Variants in GMDS observed in about 807,000 individuals in gnomAD.
GMDS encodes GDP-mannose 4,6 dehydratase.
In GMDS, 20 loss-of-function variants were observed where a neutral mutation model predicts 49.9. The observed-to-expected ratio is 0.40, with a 90% CI of 0.28 to 0.58. GMDS has a LOEUF of 0.58. GMDS is among the 20% of genes least tolerant of loss of function. GMDS has a pLI of 0.42. For missense variants in GMDS, 362 were observed against 481.4 expected (o/e 0.75, Z 2.32); for synonymous variants, 177 against 178.6 (o/e 0.99, Z 0.07).
At chr6:1,793,862 A>C (rs1769638655) in intron 7 of GMDS, among the ~76,000 whole-genome samples, 1 of 152,212 alleles carries the variant, frequency 6.6e-6, no homozygotes, top group South Asian at 2.1e-4. Context: ...TGACCAGCTT[A>C]TTGCCAAAAA....
At chr6:2,023,440 C>T (rs1271400565) in intron 4 of GMDS, among the ~76,000 whole-genome samples, 1 of 152,226 alleles carries the variant, frequency 6.6e-6, no homozygotes, top group Non-Finnish European at 1.5e-5. Flanking sequence ...ACAGGTGAAA[C>T]CTGAGGAGTC....
At chr6:1,969,428 A>AAAACATTTC (rs1764475639) in intron 4 of GMDS, among the ~76,000 whole-genome samples, 1 of 152,122 alleles carries the variant, frequency 6.6e-6, no homozygotes, top group Non-Finnish European at 1.5e-5. Context: ...TTAGTAAGGA[A>AAAACATTTC]AAACATTTCA....
intron 4 of GMDS, among the ~76,000 whole-genome samples, chr6:2,082,285 C>G (rs767112237): frequency 1.3e-5 from 2 of 152,152 alleles, no homozygotes; most frequent in African/African-American, 2.4e-5. Context: ...CGATGCACTT[C>G]AAGTATTTTC....
chr6:1,780,839 A>G (rs1769051700), intron 7 of GMDS, among the ~76,000 whole-genome samples: 1 of 152,206 alleles, frequency 6.6e-6, no homozygotes, highest in Admixed American at 6.5e-5. Flanking sequence ...ATTCCATTTA[A>G]TCAGAGAGAC....
intron 4 of GMDS, among the ~76,000 whole-genome samples, chr6:2,047,994 G>T (rs1770129259): frequency 6.6e-6 from 1 of 152,034 alleles, no homozygotes; most frequent in African/African-American, 2.4e-5. Flanking sequence ...TATACCCCTG[G>T]GTTCATACTG....
chr6:2,028,090 C>T (rs567086569), intron 4 of GMDS, among the ~76,000 whole-genome samples: 21 of 152,316 alleles, frequency 1.4e-4, no homozygotes, highest in Non-Finnish European at 2.4e-4. Context: ...CAATATCTTA[C>T]ATATTTCAAT....
chr6:2,099,106 G>A (rs116095210), intron 4 of GMDS, among the ~76,000 whole-genome samples: 55 of 152,004 alleles, frequency 3.6e-4, no homozygotes, highest in African/African-American at 1.3e-3. Context: ...AGTCATCTAC[G>A]TTTAACCACT....
At chr6:1,737,669 CAGAT>C (rs995136966) in intron 8 of GMDS, among the ~76,000 whole-genome samples, 1 of 145,062 alleles carries the variant, frequency 6.9e-6, no homozygotes, top group African/African-American at 2.5e-5. Flanking sequence ...ACCACACACA[CAGAT>C]ATACATACAC....
At chr6:2,156,418 A>G (rs1161971986) in intron 1 of GMDS, among the ~76,000 whole-genome samples, 3 of 152,162 alleles carry the variant, frequency 2.0e-5, no homozygotes, top group African/African-American at 7.2e-5. Flanking sequence ...CCTGCCTTGC[A>G]CAGTATCAGC....
chr6:2,154,122 C>T (rs1014033362), intron 1 of GMDS, among the ~76,000 whole-genome samples: 5 of 152,066 alleles, frequency 3.3e-5, no homozygotes, highest in African/African-American at 4.8e-5. Context: ...CTTCCCAACA[C>T]GCACAATTCC....
rs574522965 is a variant in GMDS, at chr6:1,979,536, T to C, written c.346-18570A>G. On this transcript the variant is annotated intron_variant, in intron 4 of 10. Transcript: ENST00000380815. Reference sequence around the variant, plus strand: ...AAATAAACAAAACCTCTGAGAAATATGGGATTATGTAAAGAGAATGAATCT... The same window carrying C: ...AAATAAACAAAACCTCTGAGAAATACGGGATTATGTAAAGAGAATGAATCT... Among the ~76,000 whole-genome samples the C allele has an allele frequency of 4.6e-5, 7 of 152,212 alleles. No homozygotes were observed. In the South Asian group the frequency reaches 1.0e-3, roughly 23 times the overall value.
At chr6:2,141,865 G>GCTCTCTCTCTCTCTCTCTCT (rs67628075) in intron 1 of GMDS, among the ~76,000 whole-genome samples, 27 of 145,590 alleles carry the variant, frequency 1.9e-4, no homozygotes, top group Non-Finnish European at 3.3e-4. Flanking sequence ...GGTTGTGCGT[G>GCTCTCTCTCTCTCTCTCTCT]CTCTCTCTCT....
At chr6:2,147,369 C>T (rs1013555313) in intron 1 of GMDS, among the ~76,000 whole-genome samples, 4 of 152,262 alleles carry the variant, frequency 2.6e-5, no homozygotes, top group East Asian at 1.9e-4. Context: ...CTCACATACA[C>T]GTTTAGCGTC....
intron 1 of GMDS, among the ~76,000 whole-genome samples, chr6:2,237,028 CAT>C (rs142847526): frequency 0.014 from 2,087 of 152,290 alleles, 79 homozygotes; most frequent in Admixed American, 0.084. Context: ...CCTAGAATCA[CAT>C]GTGGTAAATT....
intron 9 of GMDS, among the ~76,000 whole-genome samples, chr6:1,641,827 TG>T (rs543466503): frequency 1.1e-4 from 17 of 152,320 alleles, no homozygotes; most frequent in African/African-American, 4.1e-4. Flanking sequence ...GTTGGATATT[TG>T]GGGTCTGCCC....
At chr6:2,082,956 T>A (rs945311077) in intron 4 of GMDS, among the ~76,000 whole-genome samples, 2 of 152,238 alleles carry the variant, frequency 1.3e-5, no homozygotes, top group African/African-American at 2.4e-5. Flanking sequence ...TCATTCTTCA[T>A]CACAAGATGT....
chr6:1,937,763 A>G lies in GMDS; in HGVS notation c.644-7533T>C, dbSNP rs73425572. ...TCCCTTCATCTCAAGATCCTTAACT[A>G]ATTATAACTGCAAAGACCTCATTTC... On this transcript the variant is annotated intron_variant, in intron 6 of 10. Coordinates refer to ENST00000380815, the MANE Select transcript of GMDS (RefSeq NM_001500.4). 9.2e-3 allele frequency among the ~76,000 whole-genome samples: 1,408 copies of G among 152,326 alleles called. 22 individuals are homozygous for G. Among genetic ancestry groups the G allele is most frequent in the African/African-American group, 0.032 (1,346 of 41,568 alleles).
intron 6 of GMDS, among the ~76,000 whole-genome samples, chr6:1,946,251 G>A (rs976505647): frequency 3.9e-5 from 6 of 152,222 alleles, no homozygotes; most frequent in African/African-American, 1.4e-4. Context: ...AAATGTGATG[G>A]AAGGGGCAGG....
chr6:2,049,288 T>C (rs1303926403), intron 4 of GMDS, among the ~76,000 whole-genome samples: 1 of 152,202 alleles, frequency 6.6e-6, no homozygotes, highest in Non-Finnish European at 1.5e-5. Context: ...TATCTGCAAA[T>C]ATGAGAGATT....
Sources: allele counts gnomAD v4.1 joint callset (sites outside exome capture counted in the v4.1 genomes callset), GRCh38; gene constraint gnomAD v4.1.1; transcripts MANE v1.5; gene names NCBI Gene and HGNC (gene_info 2026-07-23, HGNC 2026-07-21).